TENM2: variants seen among roughly 807,000 people sequenced by gnomAD.
TENM2 encodes the protein teneurin-2.
Under a neutral mutation model 245.2 loss-of-function variants are expected in TENM2, and 52 were observed. The ratio of observed to expected loss-of-function variants is 0.21; its 90% CI spans 0.17 to 0.27. The LOEUF is 0.27. Ranked by LOEUF, TENM2 falls within the 10% of genes least tolerant of loss-of-function variation. TENM2 has a pLI of 1.00. For missense variants in TENM2, 3,046 were observed against 3,666.8 expected, an observed-to-expected ratio of 0.83 and a Z score of 4.37; for synonymous variants, 1,363 against 1,438.9, an observed-to-expected ratio of 0.95 and a Z score of 1.19.
the TENM2 span, among the ~76,000 whole-genome samples, chr5:167,005,887 C>T: frequency 6.6e-6 from 1 of 151,892 alleles, no homozygotes; most frequent in Non-Finnish European, 1.5e-5. Flanking sequence ...GTCTCAAACT[C>T]CTGACCTCAT....
the TENM2 span, among the ~76,000 whole-genome samples, chr5:167,236,277 T>C: frequency 6.6e-6 from 1 of 152,166 alleles, no homozygotes; most frequent in African/African-American, 2.4e-5. Flanking sequence ...CATGTCTCTG[T>C]GTGTGTATGT....
intron 1 of TENM2, among the ~76,000 whole-genome samples, chr5:167,341,826 A>G (rs897378730): frequency 6.6e-6 from 1 of 152,198 alleles, no homozygotes; most frequent in Non-Finnish European, 1.5e-5. Context: ...TATTTGGCCA[A>G]TTTAGCTGGG....
chr5:167,108,838 C>T, the TENM2 span, among the ~76,000 whole-genome samples: 1 of 152,022 alleles, frequency 6.6e-6, no homozygotes, highest in South Asian at 2.1e-4. Context: ...TCAGTGAAGG[C>T]CTGAATAAAA....
chr5:167,254,198 C>A, the TENM2 span, among the ~76,000 whole-genome samples: 1 of 152,100 alleles, frequency 6.6e-6, no homozygotes, highest in East Asian at 1.9e-4. Flanking sequence ...TTATAGTGTG[C>A]AGAACCAGGG....
intron 1 of TENM2, among the ~76,000 whole-genome samples, chr5:167,304,107 C>A (rs1404805205): frequency 2.0e-5 from 3 of 152,186 alleles, no homozygotes; most frequent in Non-Finnish European, 4.4e-5. Context: ...TACACATACG[C>A]AACCCATGAA....
At chr5:167,693,317 G>T (rs1318500360) in intron 2 of TENM2, among the ~76,000 whole-genome samples, 2 of 152,076 alleles carry the variant, frequency 1.3e-5, no homozygotes, top group Non-Finnish European at 2.9e-5. Context: ...GAAAATTGAG[G>T]ATAATGGAAC....
rs117234686 is a variant in TENM2, at chr5:168,015,685, G to T, written c.1186+22503G>T. ...TCATGATTGCTTCTTTTCTGTGGTG[G>T]GTGTTTCCCATTCCTTCTCTGAGTC... On this transcript the variant is annotated intron_variant, in intron 5 of 28. Transcript: ENST00000518659. Among the ~76,000 whole-genome samples the T allele has an allele frequency of 1.5e-3, 232 of 152,168 alleles. 3 individuals carry two copies. The East Asian group carries it at 0.034, about 23-fold the overall frequency.
At chr5:167,703,658 T>G (rs1299149262) in intron 2 of TENM2, among the ~76,000 whole-genome samples, 1 of 152,170 alleles carries the variant, frequency 6.6e-6, no homozygotes, top group African/African-American at 2.4e-5. Flanking sequence ...AAAAGACAGT[T>G]TTTATTTTTT....
intron 13 of TENM2, chr5:168,185,972 T>TTATATATA (rs1213986912): frequency 1.7e-4 from 1 of 5,798 alleles, no homozygotes; most frequent in African/African-American, 1.1e-3. Context: ...ATATTTGAAT[T>TTATATATA]TATATATATA....
At chr5:168,233,321 A>T (rs977708384) in intron 25 of TENM2, among the ~76,000 whole-genome samples, 1 of 152,046 alleles carries the variant, frequency 6.6e-6, no homozygotes, top group Non-Finnish European at 1.5e-5. Flanking sequence ...TGAGACTCCC[A>T]TCTCAAAAAA....
At chr5:167,226,129 T>C in the TENM2 span, among the ~76,000 whole-genome samples, 755 of 152,068 alleles carry the variant, frequency 5.0e-3, 8 homozygotes, top group African/African-American at 0.017. Context: ...ATCATTTGTA[T>C]TGATTTTTAG....
chr5:167,171,967 T>C, the TENM2 span, among the ~76,000 whole-genome samples: 1 of 152,182 alleles, frequency 6.6e-6, no homozygotes, highest in Non-Finnish European at 1.5e-5. Context: ...CACTTGGGAA[T>C]GTGATATTCT....
chr5:167,520,004 C>T (rs1026545900), intron 2 of TENM2, among the ~76,000 whole-genome samples: 1 of 152,108 alleles, frequency 6.6e-6, no homozygotes, highest in African/African-American at 2.4e-5. Flanking sequence ...AGAATCATGT[C>T]ACAAAATGTT....
intron 12 of TENM2, among the ~76,000 whole-genome samples, chr5:168,140,595 A>C (rs1278052966): frequency 3.9e-5 from 6 of 152,192 alleles, no homozygotes; most frequent in Non-Finnish European, 8.8e-5. Context: ...AGCCCGGTAC[A>C]TCTGCATCCA....
At chr5:167,429,590 T>C (rs1764079585) in intron 2 of TENM2, among the ~76,000 whole-genome samples, 1 of 137,390 alleles carries the variant, frequency 7.3e-6, no homozygotes, top group Non-Finnish European at 1.5e-5. Flanking sequence ...GGAAATTCTC[T>C]TTCTCTCTCT....
intron 2 of TENM2, among the ~76,000 whole-genome samples, chr5:167,541,123 T>TTTGTCCCCATC (rs1554171987): frequency 6.6e-6 from 1 of 152,196 alleles, no homozygotes; most frequent in African/African-American, 2.4e-5. Context: ...ATTATAGGAC[T>TTTGTCCCCATC]TTGTCCCCAT....
chr5:167,066,948 CT>C, the TENM2 span, among the ~76,000 whole-genome samples: 1 of 152,112 alleles, frequency 6.6e-6, no homozygotes, highest in Non-Finnish European at 1.5e-5. Context: ...CATATGAGTA[CT>C]ATTTTATATA....
chr5:167,489,462 C>A (rs1359135644), intron 2 of TENM2, among the ~76,000 whole-genome samples: 1 of 152,186 alleles, frequency 6.6e-6, no homozygotes, highest in Non-Finnish European at 1.5e-5. Flanking sequence ...ATCTTCAGAC[C>A]TCTGCTCAAG....
At chr5:167,085,158 G>GAGGGGGCAGTTGTCACCATGGTGATT in the TENM2 span, among the ~76,000 whole-genome samples, 1 of 152,180 alleles carries the variant, frequency 6.6e-6, no homozygotes, top group Non-Finnish European at 1.5e-5. Context: ...ATGCTCTGAA[G>GAGGGGGCAGTTGTCACCATGGTGATT]AGGGGGCAGT....
Sources: allele counts gnomAD v4.1 joint callset (sites outside exome capture counted in the v4.1 genomes callset), GRCh38; gene constraint gnomAD v4.1.1; transcripts MANE v1.5; gene names NCBI Gene and HGNC (gene_info 2026-07-23, HGNC 2026-07-21).